The following QSOX2 variants were observed in gnomAD, a reference collection of about 807,000 sequenced individuals.
The protein encoded by QSOX2 is quiescin sulfhydryl oxidase 2, also known as sulfhydryl oxidase 2.
In QSOX2, 46 loss-of-function variants were observed where a neutral mutation model predicts 61.7. That is an observed-to-expected ratio of 0.75 (90% confidence interval 0.59 to 0.95). QSOX2 has a LOEUF of 0.95. Ranked by LOEUF, QSOX2 falls within the 40% of genes least tolerant of loss-of-function variation. The pLI is 0.00. For missense variants in QSOX2, 879 were observed against 918.9 expected (o/e 0.96, Z 0.56); for synonymous variants, 383 against 388.4 (o/e 0.99, Z 0.16).
intron 2 of QSOX2, among the ~76,000 whole-genome samples, chr9:136,226,500 G>T (rs972825897): frequency 6.6e-6 from 1 of 152,144 alleles, no homozygotes; most frequent in Non-Finnish European, 1.5e-5. Context: ...GGCTGCAGGG[G>T]GTCTTTTCAC....
In QSOX2 at chr9:136,215,425, C is replaced by T. The variant is rs975174243; in HGVS notation, c.1210-121G>A. 1.5e-5 allele frequency: 14 copies of T among 910,718 alleles called. No homozygotes were observed. In the African/African-American group the frequency reaches 2.0e-4, roughly 13 times the overall value. 56.4% of individuals were successfully genotyped at this position (910,718 alleles called of 1,614,324 possible). On this transcript the variant is annotated intron_variant, in intron 9 of 11. Transcript: ENST00000358701. ...ATAATGGGGGTGTGGTTTACTGAAG[C>T]TGTATCAACTGTACACATAAGATCT...
intron 9 of QSOX2, 149 bp downstream of exon 9, chr9:136,216,451 A>G (rs1831914247): frequency 9.3e-7 from 1 of 1,079,288 alleles, no homozygotes; most frequent in African/African-American, 1.6e-5. Context: ...GGCCATGGCC[A>G]TGATGCTGTC....
chr9:136,231,464 A>G (rs1375157483), intron 1 of QSOX2, among the ~76,000 whole-genome samples: 2 of 152,262 alleles, frequency 1.3e-5, no homozygotes, highest in African/African-American at 2.4e-5. Context: ...AAGGCTTTGC[A>G]AAAGCAAAAG....
intron 8 of QSOX2, 22 bp from the exon 9 acceptor site, chr9:136,216,744 T>C: frequency 1.2e-6 from 2 of 1,611,992 alleles, no homozygotes; most frequent in Non-Finnish European, 1.7e-6. Context: ...AGGAGCCACC[T>C]GAGAGCTACA....
At chr9:136,228,162 A>C (rs921736494) in intron 1 of QSOX2, among the ~76,000 whole-genome samples, 1 of 152,136 alleles carries the variant, frequency 6.6e-6, no homozygotes, top group African/African-American at 2.4e-5. Flanking sequence ...AGGTAGTGGA[A>C]CATGCTTCCA....
In QSOX2 at chr9:136,211,272, C is replaced by T. The variant is rs373189547; in HGVS notation, c.1541G>A (p.Arg514His). Residue 514 changes from arginine to histidine, a missense_variant, in exon 11 of 12, where the codon CGC becomes CAC. Coordinates refer to ENST00000358701, the MANE Select transcript of QSOX2 (RefSeq NM_181701.4). ...LWKKHNMVNG[R>H]LAGHLSEDPR... Reference sequence around the variant, plus strand: ...GCCCAGGGGCTTCTCACCTGCCAGGCGGCCGTTCACCATATTATGCTTCTT... The same window carrying T: ...GCCCAGGGGCTTCTCACCTGCCAGGTGGCCGTTCACCATATTATGCTTCTT... 3.0e-5 allele frequency: 48 copies of T among 1,613,646 alleles called. No homozygotes were observed. The highest frequency in any genetic ancestry group is 1.4e-4 in the South Asian group (13 of 91,080).
chr9:136,237,727 C>A (rs1351938903), intron 1 of QSOX2, among the ~76,000 whole-genome samples: 1 of 151,540 alleles, frequency 6.6e-6, no homozygotes, highest in Non-Finnish European at 1.5e-5. Context: ...GCCGGCGTCA[C>A]CTGGAGCCCG....
At chr9:136,239,590 G>A (rs2131070294) in intron 1 of QSOX2, among the ~76,000 whole-genome samples, 1 of 152,346 alleles carries the variant, frequency 6.6e-6, no homozygotes, top group East Asian at 1.9e-4. Context: ...TTCACGCAGA[G>A]CCCCTGCACA....
chr9:136,231,854 G>A (rs1444136032), intron 1 of QSOX2, among the ~76,000 whole-genome samples: 2 of 151,882 alleles, frequency 1.3e-5, no homozygotes, highest in Admixed American at 6.5e-5. Context: ...GAGGGAGAGC[G>A]AGCCTCAGGG....
chr9:136,218,628 C>T (rs751254331), intron 8 of QSOX2, 51 bp downstream of exon 8: 2 of 1,585,220 alleles, frequency 1.3e-6, no homozygotes, highest in South Asian at 2.3e-5. Flanking sequence ...AGGGCCCACT[C>T]TGTGCAGAGC....
At chr9:136,216,290 G>A (rs538934684) in intron 9 of QSOX2, among the ~76,000 whole-genome samples, 3 of 152,328 alleles carry the variant, frequency 2.0e-5, no homozygotes, top group East Asian at 1.9e-4. Flanking sequence ...ATCAGTTTTC[G>A]TCAGATTGGC....
chr9:136,217,080 T>C (rs1416358925), intron 8 of QSOX2, among the ~76,000 whole-genome samples: 1 of 152,264 alleles, frequency 6.6e-6, no homozygotes, highest in African/African-American at 2.4e-5. Context: ...TTATTCTGCC[T>C]TCCTCACGAG....
In QSOX2 at chr9:136,207,890, GCCC is replaced by G. The variant is rs1165550827; in HGVS notation, c.*835_*837del. On this transcript the variant is annotated 3_prime_UTR_variant, in exon 12 of 12. Transcript: ENST00000358701. ...CCTCCAGGCACCCGCCGTCCCAACG[GCCC>G]CCATTTACTTGTCTCTCTCTTGTCA... 1 of 152,282 alleles carries G rather than the reference GCCC, an allele frequency of 6.6e-6. No individual in the cohort carries two copies. The highest frequency in any genetic ancestry group is 1.5e-5 in the Non-Finnish European group (1 of 68,092). 9.4% of individuals were successfully genotyped at this position (152,282 alleles called of 1,614,324 possible). A position where few individuals can be genotyped will look rare whatever the true frequency, so the allele number is the denominator to read the frequency against.
rs962127454 is a variant in QSOX2 at position 136,208,624 on chromosome 9, C to T, written c.*104G>A. On this transcript the variant is annotated 3_prime_UTR_variant, in exon 12 of 12. Transcript: ENST00000358701. ...GTGCCATCCGATGTGAAACCAGGCC[C>T]GCATGTTTATAAAATCCCTGATCAT... is the stretch of plus-strand genomic sequence containing the variant. The T allele has an allele frequency of 1.7e-5, 23 of 1,360,056 alleles. No individual in the cohort carries two copies. Among genetic ancestry groups the T allele is most frequent in the East Asian group, 9.8e-5 (4 of 40,622 alleles). 84.2% of individuals were successfully genotyped at this position (1,360,056 alleles called of 1,614,324 possible).
intron 1 of QSOX2, among the ~76,000 whole-genome samples, chr9:136,230,280 A>G (rs1197502456): frequency 6.6e-6 from 1 of 152,256 alleles, no homozygotes; most frequent in African/African-American, 2.4e-5. Flanking sequence ...TCTATCTCAA[A>G]AAACCCTAAA....
At chr9:136,243,736 C>T (rs1421156398) in intron 1 of QSOX2, among the ~76,000 whole-genome samples, 1 of 152,246 alleles carries the variant, frequency 6.6e-6, no homozygotes, top group African/African-American at 2.4e-5. Flanking sequence ...GACCCTCTGC[C>T]TGGGCTCCCT....
Position 136,209,016 on chromosome 9 carries a change from G to C in QSOX2, c.1809C>G (p.Asp603Glu), listed in dbSNP as rs1831812823. 6 of 1,613,886 alleles carry C rather than the reference G, an allele frequency of 3.7e-6. No homozygotes were observed. Among genetic ancestry groups the C allele is most frequent in the Non-Finnish European group, 5.1e-6 (6 of 1,179,928 alleles). The change falls in exon 12 of 12, where the codon GAC becomes GAG. Residue 603 changes from aspartate (D) to glutamate (E), a missense_variant. Coordinates refer to ENST00000358701, the MANE Select transcript of QSOX2 (RefSeq NM_181701.4). This position sits in a 1 kb window ranked among gnomAD's most constrained non-coding sequence, Gnocchi z 5.6. ...RLTPPEVSHG[D>E]RDTQSVRPPG... ...GTGGACGGACGCTCTGGGTGTCTCGGTCTCCATGGGACACCTCTGGGGGAG... is the reference window on the plus strand; with the variant it reads ...GTGGACGGACGCTCTGGGTGTCTCGCTCTCCATGGGACACCTCTGGGGGAG...
At chr9:136,218,007 T>C (rs1425155309) in intron 8 of QSOX2, among the ~76,000 whole-genome samples, 1 of 152,258 alleles carries the variant, frequency 6.6e-6, no homozygotes, top group Non-Finnish European at 1.5e-5. Context: ...ATCTTATTTT[T>C]GGCAAGATAA....
In QSOX2 at chr9:136,221,785, C is replaced by T. The variant is rs60510697; in HGVS notation, c.821+11G>A. ...CGGCACGGAGTTCCCAGACCCCACCCGGGCACTCACACGTTAATCAATCCA... is the reference window on the plus strand; with the variant it reads ...CGGCACGGAGTTCCCAGACCCCACCTGGGCACTCACACGTTAATCAATCCA... On this transcript the variant is annotated intron_variant, in intron 6 of 11. Coordinates refer to ENST00000358701, the MANE Select transcript of QSOX2 (RefSeq NM_181701.4). This position sits in a 1 kb window ranked among gnomAD's most constrained non-coding sequence, Gnocchi z 4.5. 1.5e-3 allele frequency: 2,330 copies of T among 1,584,020 alleles called. 7 individuals are homozygous for T. Among genetic ancestry groups the T allele is most frequent in the African/African-American group, 7.0e-3 (517 of 74,180 alleles).
Sources: allele counts gnomAD v4.1 joint callset (sites outside exome capture counted in the v4.1 genomes callset), GRCh38; gene constraint gnomAD v4.1.1; non-coding constraint Gnocchi (gnomAD v3.1); transcripts MANE v1.5; gene names NCBI Gene and HGNC (gene_info 2026-07-23, HGNC 2026-07-21).